The following SLIT3 variants were observed in gnomAD, a reference collection of about 807,000 sequenced individuals.
SLIT3 encodes slit homolog 3 protein.
In SLIT3, 68 loss-of-function variants were observed where a neutral mutation model predicts 184.0. The observed-to-expected ratio is 0.37, with a 90% CI of 0.30 to 0.45. The LOEUF (loss-of-function observed/expected upper bound fraction) is 0.45, where lower values mean the gene tolerates loss of function less well. Ranked by LOEUF, SLIT3 falls within the 20% of genes least tolerant of loss-of-function variation. SLIT3 has a pLI of 1.00. For missense variants in SLIT3, 1,707 were observed against 2,026.0 expected, an observed-to-expected ratio of 0.84 and a Z score of 3.02; for synonymous variants, 831 against 828.6, an observed-to-expected ratio of 1.00 and a Z score of -0.05.
At chr5:168,795,806 G>A (rs980267796) in intron 9 of SLIT3, among the ~76,000 whole-genome samples, 1 of 152,098 alleles carries the variant, frequency 6.6e-6, no homozygotes, top group Non-Finnish European at 1.5e-5. Flanking sequence ...AGAGGGAAAG[G>A]ATGATCTTTC....
In SLIT3 at chr5:169,059,306, A is replaced by C. The variant is rs542494869; in HGVS notation, c.413+134173T>G. On this transcript the variant is annotated intron_variant, in intron 4 of 35. Coordinates refer to ENST00000519560, the MANE Select transcript of SLIT3 (RefSeq NM_003062.4). Reference sequence around the variant, plus strand: ...AAAGTGGGGCAGAGACAGGGAGCTCACCGTTCACACATACTCCAGAATGAG... The same window carrying C: ...AAAGTGGGGCAGAGACAGGGAGCTCCCCGTTCACACATACTCCAGAATGAG... Among the ~76,000 whole-genome samples, 4 of 152,266 alleles carry C rather than the reference A, an allele frequency of 2.6e-5. No homozygotes were observed. In the South Asian group the frequency reaches 8.3e-4, roughly 32 times the overall value.
chr5:169,072,401 A>G (rs1025836872), intron 4 of SLIT3, among the ~76,000 whole-genome samples: 10 of 152,212 alleles, frequency 6.6e-5, no homozygotes, highest in African/African-American at 7.2e-5. Context: ...TCCTTCCCCA[A>G]TGGGTGGAGA....
At chr5:168,809,963 C>T (rs990639115) in intron 8 of SLIT3, among the ~76,000 whole-genome samples, 20 of 151,186 alleles carry the variant, frequency 1.3e-4, no homozygotes, top group Admixed American at 5.9e-4. Flanking sequence ...TTCTTTCCAC[C>T]ACAGCTTTCC....
At chr5:169,048,102 GC>G (rs1285009151) in intron 4 of SLIT3, among the ~76,000 whole-genome samples, 1 of 152,156 alleles carries the variant, frequency 6.6e-6, no homozygotes, top group Non-Finnish European at 1.5e-5. Context: ...TTCTTCTGAT[GC>G]CCCTTGACTA....
At chr5:169,289,450 G>A (rs1297906573) in intron 1 of SLIT3, among the ~76,000 whole-genome samples, 1 of 152,238 alleles carries the variant, frequency 6.6e-6, no homozygotes, top group African/African-American at 2.4e-5. Flanking sequence ...TTGGGATACA[G>A]GGAGTTCAGG....
At chr5:168,701,006 C>T (rs953892917) in intron 26 of SLIT3, among the ~76,000 whole-genome samples, 1 of 152,248 alleles carries the variant, frequency 6.6e-6, no homozygotes, top group Non-Finnish European at 1.5e-5. Flanking sequence ...AATTCACATA[C>T]AGCTGGTTTC....
intron 4 of SLIT3, among the ~76,000 whole-genome samples, chr5:169,097,367 G>A (rs993851970): frequency 2.0e-5 from 3 of 151,968 alleles, no homozygotes; most frequent in East Asian, 1.9e-4. Context: ...AGATAAATGG[G>A]GAGGAGGAAA....
At chr5:169,202,296 C>T (rs956454344) in intron 3 of SLIT3, among the ~76,000 whole-genome samples, 2 of 152,118 alleles carry the variant, frequency 1.3e-5, no homozygotes, top group African/African-American at 4.8e-5. Flanking sequence ...TCCATCCTTC[C>T]TTCCTTTTTT....
chr5:168,934,071 G>T (rs994801884), intron 4 of SLIT3, among the ~76,000 whole-genome samples: 3 of 152,152 alleles, frequency 2.0e-5, no homozygotes, highest in East Asian at 1.9e-4. Flanking sequence ...TACACAAACT[G>T]CCATGTTCCT....
intron 32 of SLIT3, among the ~76,000 whole-genome samples, chr5:168,674,009 C>T (rs1209575465): frequency 2.0e-5 from 3 of 152,162 alleles, no homozygotes; most frequent in East Asian, 1.9e-4. Flanking sequence ...TAAAGGTTAG[C>T]ATTGTTCTAA....
rs115461950 is a variant in SLIT3 at position 169,025,275 on chromosome 5, G to T, written c.414-141939C>A. ...AAGGAAAGGGATGAATTCAGAAATG[G>T]CTCCAGCCCCATAATAGAAAAGGTA... On this transcript the variant is annotated intron_variant, in intron 4 of 35. Transcript: ENST00000519560. 5.8e-3 allele frequency among the ~76,000 whole-genome samples: 877 copies of T among 152,216 alleles called. 9 individuals are homozygous for T. The highest frequency in any genetic ancestry group is 0.02 in the African/African-American group (832 of 41,536).
At chr5:168,690,776 C>CT (rs1761884371) in intron 29 of SLIT3, among the ~76,000 whole-genome samples, 1 of 137,652 alleles carries the variant, frequency 7.3e-6, no homozygotes, top group Non-Finnish European at 1.5e-5. Flanking sequence ...CATGGAAGGG[C>CT]TGAAGCTTCA....
intron 4 of SLIT3, among the ~76,000 whole-genome samples, chr5:169,139,965 A>T (rs1000329632): frequency 6.6e-6 from 1 of 152,184 alleles, no homozygotes; most frequent in African/African-American, 2.4e-5. Flanking sequence ...AACATGCCTC[A>T]GTAGGGAGGG....
intron 3 of SLIT3, among the ~76,000 whole-genome samples, chr5:169,206,585 G>T (rs1764074352): frequency 6.6e-6 from 1 of 152,182 alleles, no homozygotes; most frequent in Non-Finnish European, 1.5e-5. Flanking sequence ...TTTTGAGTTA[G>T]TTCAAAGTGA....
chr5:168,743,945 A>T (rs1234904809), intron 20 of SLIT3, among the ~76,000 whole-genome samples: 1 of 152,216 alleles, frequency 6.6e-6, no homozygotes, highest in African/African-American at 2.4e-5. Flanking sequence ...AGAGGTGAGA[A>T]AACTGCAGAA....
intron 4 of SLIT3, among the ~76,000 whole-genome samples, chr5:168,892,777 A>C (rs1184332617): frequency 6.6e-6 from 1 of 152,218 alleles, no homozygotes; most frequent in Non-Finnish European, 1.5e-5. Context: ...TGTTCATGAA[A>C]CAGCATTATA....
At chr5:169,229,479 T>TA (rs1764920442) in intron 3 of SLIT3, among the ~76,000 whole-genome samples, 1 of 152,168 alleles carries the variant, frequency 6.6e-6, no homozygotes, top group South Asian at 2.1e-4. Flanking sequence ...AAAAGACTAT[T>TA]AAGTTCATTT....
chr5:169,041,812 A>C (rs1423423614), intron 4 of SLIT3, among the ~76,000 whole-genome samples: 1 of 152,184 alleles, frequency 6.6e-6, no homozygotes, highest in Non-Finnish European at 1.5e-5. Flanking sequence ...GCTAACAATG[A>C]AGTCAGTACT....
At chr5:168,687,716 A>G (rs1448060004) in intron 29 of SLIT3, among the ~76,000 whole-genome samples, 1 of 152,248 alleles carries the variant, frequency 6.6e-6, no homozygotes, top group Non-Finnish European at 1.5e-5. Flanking sequence ...TTTAAAAATG[A>G]TATGATATGC....
Sources: gnomAD v4.1 joint callset for allele counts (sites outside exome capture counted in the v4.1 genomes callset) on GRCh38, gnomAD v4.1.1 for gene constraint, MANE v1.5 for transcripts, NCBI Gene and HGNC (gene_info 2026-07-23, HGNC 2026-07-21) for gene names.